CPNE4: variants seen among roughly 807,000 people sequenced by gnomAD.
The protein encoded by CPNE4 is copine-4.
Under a neutral mutation model 67.9 loss-of-function variants are expected in CPNE4, and 25 were observed. The ratio of observed to expected loss-of-function variants is 0.37; its 90% CI spans 0.27 to 0.51. The LOEUF (loss-of-function observed/expected upper bound fraction) is 0.51, where lower values mean the gene tolerates loss of function less well. CPNE4 is among the 20% of genes least tolerant of loss of function. The pLI is 0.93. For missense variants in CPNE4, 464 were observed against 690.8 expected (o/e 0.67, Z 3.68); for synonymous variants, 242 against 244.9 (o/e 0.99, Z 0.11).
intron 1 of CPNE4, among the ~76,000 whole-genome samples, chr3:132,024,381 G>T (rs981803115): frequency 6.6e-6 from 1 of 152,152 alleles, no homozygotes; most frequent in Non-Finnish European, 1.5e-5. Flanking sequence ...ATTGCGCCCA[G>T]CCCTGGGGTC....
intron 2 of CPNE4, among the ~76,000 whole-genome samples, chr3:131,744,074 C>T (rs1033317003): frequency 1.3e-5 from 2 of 148,226 alleles, no homozygotes; most frequent in Non-Finnish European, 3.0e-5. Context: ...TGTTTGAATG[C>T]AATGTAAGAA....
intron 1 of CPNE4, among the ~76,000 whole-genome samples, chr3:131,979,581 T>C (rs1583553215): frequency 6.6e-6 from 1 of 152,170 alleles, no homozygotes; most frequent in African/African-American, 2.4e-5. Context: ...GCCTTATATG[T>C]TAGGTGAGTC....
intron 3 of CPNE4, among the ~76,000 whole-genome samples, chr3:131,707,415 C>T (rs1213872614): frequency 2.0e-5 from 3 of 152,172 alleles, no homozygotes; most frequent in Non-Finnish European, 4.4e-5. Flanking sequence ...TCCAGGATGA[C>T]CTTCTCGTCT....
chr3:131,647,589 G>T (rs568021433), intron 7 of CPNE4, among the ~76,000 whole-genome samples: 2 of 152,330 alleles, frequency 1.3e-5, no homozygotes, highest in East Asian at 3.9e-4. Flanking sequence ...GATCCTAGAG[G>T]AGGTTTGATT....
At chr3:131,902,848 T>A (rs1379087281) in intron 2 of CPNE4, among the ~76,000 whole-genome samples, 1 of 152,040 alleles carries the variant, frequency 6.6e-6, no homozygotes, top group African/African-American at 2.4e-5. Flanking sequence ...ACTAACAAAG[T>A]CAATGAGAAT....
chr3:132,022,387 A>G (rs927117612), intron 1 of CPNE4, among the ~76,000 whole-genome samples: 19 of 152,196 alleles, frequency 1.2e-4, no homozygotes, highest in Non-Finnish European at 1.9e-4. Flanking sequence ...ACAACTTCTT[A>G]AAGAATAAGA....
chr3:131,565,164 T>C (rs762463149), intron 10 of CPNE4, among the ~76,000 whole-genome samples: 1 of 152,040 alleles, frequency 6.6e-6, no homozygotes, highest in African/African-American at 2.4e-5. Flanking sequence ...ACACTTCTTC[T>C]AATTTCCAAC....
chr3:131,865,490 G>T (rs1420358278), intron 2 of CPNE4, among the ~76,000 whole-genome samples: 1 of 152,072 alleles, frequency 6.6e-6, no homozygotes, highest in Non-Finnish European at 1.5e-5. Context: ...TTCTCTGTGA[G>T]TTGCAGGTGG....
intron 7 of CPNE4, among the ~76,000 whole-genome samples, chr3:131,615,092 G>T (rs2107748014): frequency 6.6e-6 from 1 of 152,310 alleles, no homozygotes. Context: ...TTTGGGGTAA[G>T]GCCTGAGGAT....
At chr3:131,723,680 G>A (rs530608415) in intron 2 of CPNE4, 55 bp from the exon 3 acceptor site, 369 of 1,481,866 alleles carry the variant, frequency 2.5e-4, no homozygotes, top group Admixed American at 8.4e-4. Flanking sequence ...TATTATTACC[G>A]TTCAAGAAAA....
At chr3:131,770,937 G>C (rs944499031) in intron 2 of CPNE4, among the ~76,000 whole-genome samples, 6 of 152,044 alleles carry the variant, frequency 3.9e-5, no homozygotes, top group African/African-American at 1.4e-4. Context: ...TTCAAAAGTT[G>C]GATATTTCAT....
chr3:131,842,294 G>A (rs1293822500), intron 2 of CPNE4, among the ~76,000 whole-genome samples: 1 of 152,200 alleles, frequency 6.6e-6, no homozygotes, highest in African/African-American at 2.4e-5. Flanking sequence ...GAGGAAGTTG[G>A]CAGGGACCAT....
intron 2 of CPNE4, among the ~76,000 whole-genome samples, chr3:131,789,753 T>C (rs1367405835): frequency 6.6e-6 from 1 of 152,122 alleles, no homozygotes; most frequent in African/African-American, 2.4e-5. Flanking sequence ...TGTTAGAATA[T>C]ATAACCTCTG....
chr3:131,615,702 G>A (rs1940095470), intron 7 of CPNE4, among the ~76,000 whole-genome samples: 1 of 152,006 alleles, frequency 6.6e-6, no homozygotes, highest in Non-Finnish European at 1.5e-5. Context: ...GCTCTATTAT[G>A]ACACTGACTT....
chr3:131,827,194 C>T (rs1287536898), intron 2 of CPNE4, among the ~76,000 whole-genome samples: 1 of 152,182 alleles, frequency 6.6e-6, no homozygotes, highest in Non-Finnish European at 1.5e-5. Context: ...TATGCCCAAC[C>T]AAAGACACCA....
intron 10 of CPNE4, among the ~76,000 whole-genome samples, chr3:131,570,726 C>G (rs1039434679): frequency 6.6e-6 from 1 of 151,882 alleles, no homozygotes; most frequent in Non-Finnish European, 1.5e-5. Context: ...CCTTGACCTC[C>G]CAAAATTGCA....
chr3:131,625,319 T>C (rs1370980674), intron 7 of CPNE4, among the ~76,000 whole-genome samples: 2 of 152,226 alleles, frequency 1.3e-5, no homozygotes, highest in East Asian at 3.8e-4. Flanking sequence ...CTATTATGTA[T>C]CATAAATTAT....
intron 1 of CPNE4, among the ~76,000 whole-genome samples, chr3:132,024,847 A>C (rs1246573121): frequency 6.6e-6 from 1 of 152,134 alleles, no homozygotes; most frequent in Non-Finnish European, 1.5e-5. Flanking sequence ...TAAATGCCAG[A>C]TCCCTTTCTT....
intron 2 of CPNE4, among the ~76,000 whole-genome samples, chr3:131,848,665 CCAA>C (rs1219307643): frequency 4.3e-4 from 27 of 62,674 alleles, no homozygotes; most frequent in African/African-American, 1.1e-3. Context: ...AAATGTGCAT[CCAA>C]AAAAAAAAAA....
Sources: allele counts gnomAD v4.1 joint callset (sites outside exome capture counted in the v4.1 genomes callset), GRCh38; gene constraint gnomAD v4.1.1; transcripts MANE v1.5; gene names NCBI Gene and HGNC (gene_info 2026-07-23, HGNC 2026-07-21).